TRPM1: variants seen among roughly 807,000 people sequenced by gnomAD.
TRPM1 encodes transient receptor potential cation channel subfamily M member 1, also known as TRPM1-203 APA Isoform, Intron 10.
Under a neutral mutation model 149.4 loss-of-function variants are expected in TRPM1, and 113 were observed. The observed-to-expected ratio is 0.76, with a 90% CI of 0.65 to 0.88. The LOEUF (loss-of-function observed/expected upper bound fraction) is 0.88, where lower values mean the gene tolerates loss of function less well. Ranked by LOEUF, TRPM1 falls within the 40% of genes least tolerant of loss-of-function variation. The pLI is 0.00. For missense variants in TRPM1, 1,976 were observed against 2,038.7 expected (o/e 0.97, Z 0.59); for synonymous variants, 741 against 759.5 (o/e 0.98, Z 0.40).
intron 1 of TRPM1, among the ~76,000 whole-genome samples, chr15:31,121,375 C>G (rs1490796716): frequency 6.6e-6 from 1 of 151,658 alleles, no homozygotes; most frequent in Non-Finnish European, 1.5e-5. Flanking sequence ...AACAGGAAAT[C>G]AGTAGAGAAA....
Position 31,060,554 on chromosome 15 carries a change from G to A in TRPM1, c.1253C>T (p.Pro418Leu), listed in dbSNP as rs1220476045. Residue 418 changes from proline to leucine, a missense_variant, in exon 11 of 28, where the codon CCC becomes CTC. Transcript: ENST00000256552. ...AAAAAACAGTTTCACCGGCCAGTGG[G>A]GCCCAAAGACAAAGATCTGGCTTCG... ...IARSQIFVFG[P>L]HWPPLGSLAP... 1.2e-6 allele frequency: 2 copies of A among 1,613,982 alleles called. No individual in the cohort carries two copies. The highest frequency in any genetic ancestry group is 8.5e-7 in the Non-Finnish European group (1 of 1,179,940).
At chr15:31,112,926 T>C (rs1409764531) in intron 1 of TRPM1, among the ~76,000 whole-genome samples, 1 of 152,180 alleles carries the variant, frequency 6.6e-6, no homozygotes, top group Non-Finnish European at 1.5e-5. Context: ...AAATACCTCT[T>C]AATATTTCAC....
chr15:31,124,010 C>T (rs1567068626), intron 1 of TRPM1, among the ~76,000 whole-genome samples: 1 of 152,164 alleles, frequency 6.6e-6, no homozygotes, highest in African/African-American at 2.4e-5. Context: ...AAGAAATAAG[C>T]CATCGGGGCT....
intron 1 of TRPM1, among the ~76,000 whole-genome samples, chr15:31,109,564 G>T (rs145937660): frequency 2.0e-5 from 3 of 151,058 alleles, no homozygotes; most frequent in Non-Finnish European, 2.9e-5. Context: ...GCTGGGCGTG[G>T]TGGTGGGTGC....
intron 5 of TRPM1, 105 bp downstream of exon 5, chr15:31,067,774 G>A: frequency 1.8e-6 from 2 of 1,102,674 alleles, no homozygotes; most frequent in East Asian, 4.7e-5. Flanking sequence ...ATAGGATCAG[G>A]ATGCAATATG....
chr15:31,042,087 C>T lies in TRPM1; in HGVS notation c.1951G>A (p.Val651Met). ...AVLMKRQKMA[V>M]FLWQRGEESM... ...TCTTCCCCTCGCTGCCAGAGGAACA[C>T]TGCCATTTTCTGGCGTTTCATCAGC... Residue 651 changes from valine (V) to methionine (M), a missense_variant, in exon 17 of 28, where the codon GTG becomes ATG. Physicochemically the swap from Val to Met is conservative, Grantham distance 21. Around this residue, in one of 3 missense-constraint regions of TRPM1, gnomAD observed 1,332 missense variants for 1,347.1 expected, o/e 0.99. Coordinates refer to ENST00000256552, the MANE Select transcript of TRPM1 (RefSeq NM_001252024.2). 1 of 1,614,264 alleles carries T rather than the reference C, an allele frequency of 6.2e-7. No individual in the cohort carries two copies. Among genetic ancestry groups the T allele is most frequent in the Non-Finnish European group, 8.5e-7 (1 of 1,180,050 alleles).
In TRPM1 at chr15:31,049,473, CTA is replaced by C. The variant is rs1255723286; in HGVS notation, c.1472_1473del (p.Leu491CysfsTer13). 2 of 1,614,012 alleles carry C rather than the reference CTA, an allele frequency of 1.2e-6. No individual in the cohort carries two copies. The highest frequency in any genetic ancestry group is 1.7e-6 in the Non-Finnish European group (2 of 1,180,042). ...TTCACAAAGTCGACACGATCTAAGA[CTA>C]AAGCATCTAGCATCGCTTGCTCCAA... ...NALEQAMLDA[L>X]VLDRVDFVKL... On this transcript the variant is annotated frameshift_variant, in exon 13 of 28. Transcript: ENST00000256552. LOFTEE classifies it high-confidence loss of function.
upstream of TRPM1, among the ~76,000 whole-genome samples, chr15:31,102,960 C>T (rs999212669): frequency 3.3e-5 from 5 of 152,140 alleles, no homozygotes; most frequent in Non-Finnish European, 7.4e-5. Context: ...GGAACCCTTC[C>T]GGGGGCTGAG....
At chr15:31,069,203 C>T (rs2034462629) in intron 4 of TRPM1, among the ~76,000 whole-genome samples, 1 of 152,148 alleles carries the variant, frequency 6.6e-6, no homozygotes, top group Admixed American at 6.5e-5. Context: ...AGAACAGTGG[C>T]CCAAGAAGTT....
intron 1 of TRPM1, among the ~76,000 whole-genome samples, chr15:31,088,806 G>C (rs1357515825): frequency 6.6e-6 from 1 of 151,904 alleles, no homozygotes; most frequent in Non-Finnish European, 1.5e-5. Flanking sequence ...TTCTGCTGGG[G>C]GGATGCGTCA....
chr15:31,058,447 C>T (rs150669826), intron 11 of TRPM1, among the ~76,000 whole-genome samples: 47 of 152,292 alleles, frequency 3.1e-4, no homozygotes, highest in Non-Finnish European at 5.1e-4. Context: ...TCCTACTTTG[C>T]GGTTCAGCAG....
rs1473793813 is a variant in TRPM1, at chr15:31,072,006, TATATATATATATAGAGAG to T, written c.84-1798_84-1781del. Among the ~76,000 whole-genome samples, 191 of 38,260 alleles carry T rather than the reference TATATATATATATAGAGAG, an allele frequency of 5.0e-3. 2 individuals are homozygous for T. Among genetic ancestry groups the T allele is most frequent in the Middle Eastern group, 0.019 (1 of 54 alleles). 25.1% of individuals were successfully genotyped at this position (38,260 alleles called of 152,430 possible). A position where few individuals can be genotyped will look rare whatever the true frequency, so the allele number is the denominator to read the frequency against. On this transcript the variant is annotated intron_variant, in intron 3 of 27. Coordinates refer to ENST00000256552, the MANE Select transcript of TRPM1 (RefSeq NM_001252024.2). ...ATATATATATATATATATATATATA[TATATATATATATAGAGAG>T]AGAGAGAGAGAGAGAGAGAGAGAGA...
intron 27 of TRPM1, among the ~76,000 whole-genome samples, chr15:31,010,887 G>C (rs909470319): frequency 2.6e-5 from 4 of 152,168 alleles, no homozygotes; most frequent in South Asian, 4.1e-4. Flanking sequence ...ACTATTATTT[G>C]AGAACTATCT....
chr15:31,117,665 T>TAC (rs56686910), intron 1 of TRPM1, among the ~76,000 whole-genome samples: 4,058 of 135,834 alleles, frequency 0.03, 76 homozygotes, highest in Middle Eastern at 0.042. Flanking sequence ...AAAAAAAAAA[T>TAC]ACACACACAC....
Position 31,026,288 on chromosome 15 carries a change from G to A in TRPM1, c.3497-17C>T, listed in dbSNP as rs1282006814. 6.2e-7 allele frequency: 1 copy of A among 1,608,478 alleles called. No individual in the cohort carries two copies. The highest frequency in any genetic ancestry group is 2.2e-5 in the East Asian group (1 of 44,888). On this transcript the variant is annotated splice_polypyrimidine_tract_variant and intron_variant, in intron 26 of 27. Transcript: ENST00000256552. ...GGAAGAGCTCTGTGTGAAGGGAGAA[G>A]TGTCGGCCACGTGAAAAACAAGAAG...
intron 1 of TRPM1, among the ~76,000 whole-genome samples, chr15:31,129,589 T>A (rs552313018): frequency 6.6e-6 from 1 of 152,354 alleles, no homozygotes; most frequent in Admixed American, 6.5e-5. Context: ...TTTAAGTGGT[T>A]CAACATAATA....
intron 27 of TRPM1, among the ~76,000 whole-genome samples, chr15:31,008,564 A>G (rs950117985): frequency 1.2e-4 from 18 of 152,110 alleles, no homozygotes; most frequent in African/African-American, 4.1e-4. Context: ...GCTAGACTCA[A>G]TTTGCTAGTA....
In TRPM1 at chr15:31,066,372, C is replaced by T. The variant is rs1280385722; in HGVS notation, c.619-125G>A. The T allele has an allele frequency of 1.2e-5, 13 of 1,072,444 alleles. No homozygotes were observed. In the East Asian group the frequency reaches 2.1e-4, roughly 17 times the overall value. The allele number at this position is 1,072,444 out of a possible 1,614,324, so 66.4% of individuals were successfully genotyped here. A position where few individuals can be genotyped will look rare whatever the true frequency, so the allele number is the denominator to read the frequency against. ...AACTTATTCTCACATCTCTACCCTG[C>T]CTTTTGAAGGTTTTATTTTTGCCAA... On this transcript the variant is annotated intron_variant, in intron 6 of 27. Coordinates refer to ENST00000256552, the MANE Select transcript of TRPM1 (RefSeq NM_001252024.2).
At chr15:31,108,201 G>T (rs1311738633) in intron 1 of TRPM1, among the ~76,000 whole-genome samples, 1 of 151,982 alleles carries the variant, frequency 6.6e-6, no homozygotes, top group Non-Finnish European at 1.5e-5. Flanking sequence ...TTCCACTGTG[G>T]TTGGAGAACA....
Sources: gnomAD v4.1 joint callset for allele counts (sites outside exome capture counted in the v4.1 genomes callset) on GRCh38, gnomAD v4.1.1 for gene constraint, gnomAD v4.1.1 regional missense constraint, MANE v1.5 for transcripts, NCBI Gene and HGNC (gene_info 2026-07-23, HGNC 2026-07-21) for gene names.